Variants in MACROD2 observed in about 807,000 individuals in gnomAD.
MACROD2 encodes the protein ADP-ribose glycohydrolase MACROD2.
MACROD2 carries 36 observed loss-of-function variants against 70.4 expected under a neutral mutation model. That is an observed-to-expected ratio of 0.51 (90% confidence interval 0.39 to 0.68). The LOEUF is 0.68. Ranked by LOEUF, MACROD2 falls within the 30% of genes least tolerant of loss-of-function variation. The probability of loss-of-function intolerance (pLI) is 0.00; values close to 1 mark genes in which losing one functional copy is unlikely to be tolerated. For missense variants in MACROD2, 496 were observed against 538.4 expected (o/e 0.92, Z 0.78); for synonymous variants, 172 against 178.8 (o/e 0.96, Z 0.30).
At chr20:15,356,268 T>C (rs1419281773) in intron 6 of MACROD2, among the ~76,000 whole-genome samples, 2 of 152,216 alleles carry the variant, frequency 1.3e-5, no homozygotes, top group East Asian at 3.8e-4. Flanking sequence ...CTTCACAGTA[T>C]TGCTGAGAGA....
At chr20:15,080,748 G>A (rs370696) in intron 5 of MACROD2, among the ~76,000 whole-genome samples, 120,199 of 152,068 alleles carry the variant, frequency 0.79, 47,720 homozygotes, top group African/African-American at 0.85. Context: ...TAACATGTTC[G>A]AAAAGAACTA....
At chr20:14,760,791 C>A (rs2072005847) in intron 5 of MACROD2, among the ~76,000 whole-genome samples, 1 of 152,118 alleles carries the variant, frequency 6.6e-6, no homozygotes, top group Admixed American at 6.5e-5. Context: ...CCAACAACTA[C>A]AAACTTAGGT....
At chr20:15,023,652 A>C (rs2075207188) in intron 5 of MACROD2, among the ~76,000 whole-genome samples, 1 of 152,140 alleles carries the variant, frequency 6.6e-6, no homozygotes, top group African/African-American at 2.4e-5. Context: ...GGGTGTGTGC[A>C]GGAGAATTCC....
In MACROD2 at chr20:14,340,717, C is replaced by G. The variant is rs151169768; in HGVS notation, c.272-152762C>G. Among the ~76,000 whole-genome samples the G allele has an allele frequency of 2.6e-5, 4 of 152,154 alleles. No individual in the cohort carries two copies. The East Asian group carries it at 7.7e-4, about 29-fold the overall frequency. ...CATTTTGTTCTGTTTTGTTGGCTAG[C>G]CTGTGAATCTAGCATTGTACGTGAG... On this transcript the variant is annotated intron_variant, in intron 3 of 17. Coordinates refer to ENST00000684519, the MANE Select transcript of MACROD2 (RefSeq NM_001351661.2).
At chr20:14,588,240 G>T (rs1489090937) in intron 4 of MACROD2, among the ~76,000 whole-genome samples, 2 of 151,906 alleles carry the variant, frequency 1.3e-5, no homozygotes, top group African/African-American at 2.4e-5. Flanking sequence ...AGCTACTTTT[G>T]ATTATCTCTA....
chr20:14,083,461 C>T (rs1460044956), intron 2 of MACROD2, among the ~76,000 whole-genome samples: 1 of 151,806 alleles, frequency 6.6e-6, no homozygotes, highest in Non-Finnish European at 1.5e-5. Flanking sequence ...TGATCACTTA[C>T]TATGAGGCAA....
chr20:14,879,132 G>A (rs766945354), intron 5 of MACROD2, among the ~76,000 whole-genome samples: 9 of 151,988 alleles, frequency 5.9e-5, no homozygotes, highest in East Asian at 1.9e-4. Context: ...TATGCATTGC[G>A]TAATTAAAAC....
At chr20:15,770,065 ATTT>A (rs935350817) in intron 8 of MACROD2, among the ~76,000 whole-genome samples, 1 of 92,632 alleles carries the variant, frequency 1.1e-5, no homozygotes, top group African/African-American at 4.3e-5. Flanking sequence ...CCATAAATTT[ATTT>A]TTTTAATTTA....
At chr20:14,771,963 G>A (rs2072174324) in intron 5 of MACROD2, among the ~76,000 whole-genome samples, 1 of 151,936 alleles carries the variant, frequency 6.6e-6, no homozygotes, top group South Asian at 2.1e-4. Context: ...GTTATCAAAA[G>A]CATCTCAAAT....
At chr20:15,534,747 A>G (rs6110660) in intron 8 of MACROD2, among the ~76,000 whole-genome samples, 3,214 of 152,224 alleles carry the variant, frequency 0.021, 127 homozygotes, top group African/African-American at 0.07. Flanking sequence ...GCTGCAAGGT[A>G]GTGTGGAGTA....
chr20:15,834,800 A>T (rs1244078119), intron 8 of MACROD2, among the ~76,000 whole-genome samples: 1 of 152,150 alleles, frequency 6.6e-6, no homozygotes, highest in Non-Finnish European at 1.5e-5. Context: ...TGTTAGTTAA[A>T]CATTTTGTGG....
At chr20:14,471,731 G>A (rs2084533031) in intron 3 of MACROD2, among the ~76,000 whole-genome samples, 1 of 152,038 alleles carries the variant, frequency 6.6e-6, no homozygotes, top group South Asian at 2.1e-4. Context: ...AGGTTAGAAG[G>A]TACTCTTTCT....
At chr20:15,500,620 T>C (rs2047352792) in intron 8 of MACROD2, among the ~76,000 whole-genome samples, 11 of 152,222 alleles carry the variant, frequency 7.2e-5, no homozygotes, top group Admixed American at 7.2e-4. Context: ...ATAAAAATTG[T>C]GTTTCATTTT....
chr20:14,890,861 A>G (rs1340239689), intron 5 of MACROD2, among the ~76,000 whole-genome samples: 4 of 152,120 alleles, frequency 2.6e-5, no homozygotes, highest in Non-Finnish European at 5.9e-5. Context: ...ATTTAGCAAC[A>G]TGGAGGTCAT....
At chr20:15,229,318 A>G (rs175282) in intron 5 of MACROD2, among the ~76,000 whole-genome samples, 43,214 of 152,136 alleles carry the variant, frequency 0.28, 6,290 homozygotes, top group Middle Eastern at 0.32. Context: ...TAGATAATTA[A>G]CTATTAACCT....
chr20:15,268,939 C>A (rs949909196), intron 6 of MACROD2, among the ~76,000 whole-genome samples: 1 of 152,184 alleles, frequency 6.6e-6, no homozygotes, highest in Non-Finnish European at 1.5e-5. Context: ...AAGTTGATAA[C>A]TTTTCTCTTT....
At chr20:15,418,488 G>A (rs1385712974) in intron 6 of MACROD2, among the ~76,000 whole-genome samples, 1 of 152,190 alleles carries the variant, frequency 6.6e-6, no homozygotes, top group African/African-American at 2.4e-5. Context: ...ACTGGAGCCT[G>A]TTAAGGGTTG....
intron 5 of MACROD2, among the ~76,000 whole-genome samples, chr20:14,825,324 C>T (rs560259101): frequency 6.6e-6 from 1 of 152,002 alleles, no homozygotes; most frequent in Admixed American, 6.6e-5. Flanking sequence ...TGTGCTCTGC[C>T]CCATTGCAAG....
At chr20:14,645,639 G>T (rs973382489) in intron 4 of MACROD2, among the ~76,000 whole-genome samples, 15 of 151,960 alleles carry the variant, frequency 9.9e-5, no homozygotes, top group African/African-American at 2.9e-4. Context: ...CTAGAGCATC[G>T]CCATAATGTA....
Sources: allele counts gnomAD v4.1 joint callset (sites outside exome capture counted in the v4.1 genomes callset), GRCh38; gene constraint gnomAD v4.1.1; transcripts MANE v1.5; gene names NCBI Gene and HGNC (gene_info 2026-07-23, HGNC 2026-07-21).